MTA3: variants seen among roughly 807,000 people sequenced by gnomAD.
MTA3 encodes metastasis associated 1 family member 3.
Under a neutral mutation model 83.5 loss-of-function variants are expected in MTA3, and 34 were observed. That is an observed-to-expected ratio of 0.41 (90% CI 0.31 to 0.54). The LOEUF (loss-of-function observed/expected upper bound fraction) is 0.54, where lower values mean the gene tolerates loss of function less well. Among genes scored for constraint, MTA3 ranks in the 20% least tolerant of loss-of-function variants. The pLI is 0.33. For missense variants in MTA3, 761 were observed against 726.4 expected (o/e 1.05, Z -0.55); for synonymous variants, 303 against 252.7 (o/e 1.20, Z -1.89).
intron 9 of MTA3, among the ~76,000 whole-genome samples, chr2:42,690,726 G>C (rs942764914): frequency 6.8e-6 from 1 of 146,300 alleles, no homozygotes. Flanking sequence ...CCAGGCTGGA[G>C]TGCAGTGGCG....
Position 42,719,062 on chromosome 2 carries a change from A to G in MTA3, c.1600A>G (p.Ile534Val), listed in dbSNP as rs1302007489. Residue 534 changes from isoleucine to valine, a missense_variant, in exon 15 of 17, where the codon ATT becomes GTT. Coordinates refer to ENST00000405094, the MANE Select transcript of MTA3 (RefSeq NM_001330442.2). ...KSTRKPLACI[I>V]GYLEIHPAKK... Reference sequence around the variant, plus strand: ...CACTAGGAAGCCTTTGGCATGTATCATTGGGTATTTAGGTGGGTATTTTCT... The same window carrying G: ...CACTAGGAAGCCTTTGGCATGTATCGTTGGGTATTTAGGTGGGTATTTTCT... 26 of 1,549,590 alleles carry G rather than the reference A, an allele frequency of 1.7e-5. No individual in the cohort carries two copies. Among genetic ancestry groups the G allele is most frequent in the Non-Finnish European group, 2.2e-5 (25 of 1,146,226 alleles).
At chr2:42,683,823 C>T (rs1025156281) in intron 9 of MTA3, among the ~76,000 whole-genome samples, 25 of 152,152 alleles carry the variant, frequency 1.6e-4, no homozygotes, top group African/African-American at 5.3e-4. Flanking sequence ...GATGAAGCTT[C>T]GCTCGCTTGT....
chr2:42,512,616 G>A (rs957067423), intron 2 of MTA3, among the ~76,000 whole-genome samples: 10 of 152,106 alleles, frequency 6.6e-5, no homozygotes, highest in Non-Finnish European at 5.9e-5. Flanking sequence ...AAATGTCAGC[G>A]TAAATCTCCA....
chr2:42,633,611 G>T (rs1573397725), intron 4 of MTA3, among the ~76,000 whole-genome samples: 1 of 150,850 alleles, frequency 6.6e-6, no homozygotes, highest in East Asian at 2.0e-4. Flanking sequence ...CATATTCTTG[G>T]CTGGGCGCGG....
At chr2:42,679,838 TTG>T (rs376430219) in intron 8 of MTA3, among the ~76,000 whole-genome samples, 29 of 140,936 alleles carry the variant, frequency 2.1e-4, no homozygotes, top group African/African-American at 2.5e-4. Flanking sequence ...TGGCTGTGTG[TTG>T]TTTTTTTTTT....
chr2:42,691,746 C>CT (rs1692919130), intron 9 of MTA3, among the ~76,000 whole-genome samples: 1 of 152,090 alleles, frequency 6.6e-6, no homozygotes, highest in African/African-American at 2.4e-5. Flanking sequence ...GTCAGCAAGT[C>CT]TTTATTTCTC....
intron 3 of MTA3, among the ~76,000 whole-genome samples, chr2:42,601,384 A>G (rs1682556260): frequency 6.6e-6 from 1 of 152,194 alleles, no homozygotes; most frequent in African/African-American, 2.4e-5. Flanking sequence ...AGTCTATCCA[A>G]TACGCTATGA....
At chr2:42,559,191 C>T (rs2103795434) in intron 2 of MTA3, among the ~76,000 whole-genome samples, 1 of 152,276 alleles carries the variant, frequency 6.6e-6, no homozygotes. Flanking sequence ...TGTCTATAAG[C>T]ACCTGGGAGT....
At chr2:42,664,321 A>G (rs1476478572) in intron 8 of MTA3, among the ~76,000 whole-genome samples, 1 of 152,010 alleles carries the variant, frequency 6.6e-6, no homozygotes, top group Non-Finnish European at 1.5e-5. Flanking sequence ...AGCTTTGCAG[A>G]TTGTTTCCCA....
chr2:42,574,011 A>T (rs1377586512), intron 2 of MTA3, among the ~76,000 whole-genome samples: 1 of 145,858 alleles, frequency 6.9e-6, no homozygotes, highest in Non-Finnish European at 1.5e-5. Flanking sequence ...TTTATTTATT[A>T]TTTATTAGTA....
intron 4 of MTA3, among the ~76,000 whole-genome samples, chr2:42,627,888 G>C (rs1007769251): frequency 6.0e-5 from 9 of 151,208 alleles, no homozygotes; most frequent in Non-Finnish European, 1.2e-4. Context: ...AGGTTCTTTT[G>C]TTTTGTTTTG....
chr2:42,659,368 A>ATTT (rs1239026284), intron 7 of MTA3, among the ~76,000 whole-genome samples: 16 of 152,206 alleles, frequency 1.1e-4, no homozygotes, highest in African/African-American at 3.4e-4. Context: ...ACTGAGTTTT[A>ATTT]CAATTTGGGC....
intron 8 of MTA3, among the ~76,000 whole-genome samples, chr2:42,666,037 G>T (rs1432790956): frequency 6.6e-6 from 1 of 152,156 alleles, no homozygotes. Flanking sequence ...CAGCACTTTG[G>T]GAGGCTGAGG....
chr2:42,537,716 A>T (rs1676312898), intron 2 of MTA3, among the ~76,000 whole-genome samples: 1 of 152,230 alleles, frequency 6.6e-6, no homozygotes, highest in Non-Finnish European at 1.5e-5. Context: ...AATCAAAAAG[A>T]ATATCACCTA....
intron 8 of MTA3, among the ~76,000 whole-genome samples, chr2:42,670,856 A>G (rs1558565852): frequency 6.6e-6 from 1 of 151,994 alleles, no homozygotes; most frequent in African/African-American, 2.4e-5. Context: ...AAAACCAAGG[A>G]TATTCTCATA....
intron 2 of MTA3, among the ~76,000 whole-genome samples, chr2:42,540,423 C>G (rs1572949724): frequency 6.6e-6 from 1 of 151,948 alleles, no homozygotes. Context: ...ATCCTCCTGC[C>G]TTGGCCTCCC....
Position 42,633,613 on chromosome 2 carries a change from T to C in MTA3, c.318-6560T>C, listed in dbSNP as rs548023324. Among the ~76,000 whole-genome samples, 34 of 150,506 alleles carry C rather than the reference T, an allele frequency of 2.3e-4. No individual in the cohort carries two copies. The South Asian group carries it at 5.5e-3, about 24-fold the overall frequency. ...GTCCATTAAAAATCATATTCTTGGC[T>C]GGGCGCGGTGGCTCATGCCTGTAAT... is the stretch of plus-strand genomic sequence containing the variant. On this transcript the variant is annotated intron_variant, in intron 4 of 16. Transcript: ENST00000405094.
chr2:42,572,585 A>G (rs1678613168), intron 2 of MTA3, among the ~76,000 whole-genome samples: 1 of 152,090 alleles, frequency 6.6e-6, no homozygotes, highest in Non-Finnish European at 1.5e-5. Context: ...AAAAAAAAAA[A>G]TTATGGTTTT....
At chr2:42,605,927 G>A (rs1402890676) in intron 3 of MTA3, among the ~76,000 whole-genome samples, 1 of 64,058 alleles carries the variant, frequency 1.6e-5, no homozygotes, top group African/African-American at 7.0e-5. Context: ...GGGCAGAGGC[G>A]CCCCTCACCT....
Sources: gnomAD v4.1 joint callset for allele counts (sites outside exome capture counted in the v4.1 genomes callset) on GRCh38, gnomAD v4.1.1 for gene constraint, MANE v1.5 for transcripts, NCBI Gene and HGNC (gene_info 2026-07-23, HGNC 2026-07-21) for gene names.